Variants in MAGI2 observed in about 807,000 individuals in gnomAD.
MAGI2 encodes the protein membrane associated guanylate kinase, WW and PDZ domain containing 2.
MAGI2 carries 35 observed loss-of-function variants against 133.3 expected under a neutral mutation model. That is an observed-to-expected ratio of 0.26 (90% CI 0.20 to 0.35). The LOEUF is 0.35. Among genes scored for constraint, MAGI2 ranks in the 10% least tolerant of loss-of-function variants. The pLI, the probability that MAGI2 is intolerant of heterozygous loss-of-function variation, is 1.00. For missense variants in MAGI2, 1,636 were observed against 1,863.4 expected, an observed-to-expected ratio of 0.88 and a Z score of 2.25; for synonymous variants, 729 against 710.6, an observed-to-expected ratio of 1.03 and a Z score of -0.41.
At chr7:78,749,496 G>T (rs923639245) in intron 2 of MAGI2, among the ~76,000 whole-genome samples, 4 of 152,088 alleles carry the variant, frequency 2.6e-5, no homozygotes, top group Non-Finnish European at 4.4e-5. Context: ...GTTTCCATTA[G>T]AAATAAGGTA....
intron 10 of MAGI2, among the ~76,000 whole-genome samples, chr7:78,237,954 C>G (rs1790727650): frequency 6.6e-6 from 1 of 152,108 alleles, no homozygotes. Context: ...CACGTTAGCT[C>G]AAAATATTTG....
chr7:78,035,431 C>T (rs931789119), intron 21 of MAGI2, among the ~76,000 whole-genome samples: 1 of 152,136 alleles, frequency 6.6e-6, no homozygotes, highest in African/African-American at 2.4e-5. Flanking sequence ...GATGCCATAG[C>T]GGAGATTGGG....
chr7:78,905,273 G>A (rs142065840), intron 2 of MAGI2, among the ~76,000 whole-genome samples: 233 of 152,172 alleles, frequency 1.5e-3, no homozygotes, highest in African/African-American at 4.8e-3. Flanking sequence ...ACACCGTGCC[G>A]TGCAAGCCAA....
At chr7:79,408,904 T>G (rs2129169657) in intron 1 of MAGI2, among the ~76,000 whole-genome samples, 1 of 152,282 alleles carries the variant, frequency 6.6e-6, no homozygotes, top group South Asian at 2.1e-4. Flanking sequence ...CCTTGAACAT[T>G]ATCCAGATAA....
chr7:78,120,123 C>T (rs188177723), intron 20 of MAGI2, among the ~76,000 whole-genome samples: 1 of 152,288 alleles, frequency 6.6e-6, no homozygotes, highest in Non-Finnish European at 1.5e-5. Context: ...TGACAAGTGG[C>T]CGGGCACAGT....
chr7:79,248,706 G>A (rs12706083), intron 1 of MAGI2, among the ~76,000 whole-genome samples: 95,860 of 151,784 alleles, frequency 0.63, 31,117 homozygotes, highest in Non-Finnish European at 0.71. Flanking sequence ...AAAAATCAAT[G>A]ACAAGAGGAA....
intron 1 of MAGI2, among the ~76,000 whole-genome samples, chr7:79,132,801 C>T (rs910777936): frequency 3.9e-5 from 6 of 152,028 alleles, no homozygotes; most frequent in Admixed American, 2.0e-4. Flanking sequence ...TTCACATTCA[C>T]GCCAACATGT....
At chr7:78,398,101 G>C (rs1404890540) in intron 6 of MAGI2, among the ~76,000 whole-genome samples, 1 of 152,094 alleles carries the variant, frequency 6.6e-6, no homozygotes, top group Non-Finnish European at 1.5e-5. Context: ...AGGCCAAAAA[G>C]AGAAATTTCC....
chr7:78,692,883 C>T (rs2151127122), intron 2 of MAGI2, among the ~76,000 whole-genome samples: 1 of 152,274 alleles, frequency 6.6e-6, no homozygotes, highest in South Asian at 2.1e-4. Flanking sequence ...TTAAAAGCCT[C>T]CCTATCAACG....
At chr7:79,364,509 A>G (rs1403063493) in intron 1 of MAGI2, among the ~76,000 whole-genome samples, 1 of 152,096 alleles carries the variant, frequency 6.6e-6, no homozygotes, top group Non-Finnish European at 1.5e-5. Context: ...TAAAAACAAC[A>G]TGAGAAGAAT....
intron 2 of MAGI2, among the ~76,000 whole-genome samples, chr7:78,698,096 CT>C (rs1359195303): frequency 1.3e-5 from 2 of 151,982 alleles, no homozygotes; most frequent in Non-Finnish European, 1.5e-5. Context: ...CTGAGTATTC[CT>C]TTTTTAAAAA....
chr7:78,761,629 C>T (rs983860223), intron 2 of MAGI2, among the ~76,000 whole-genome samples: 1 of 152,000 alleles, frequency 6.6e-6, no homozygotes, highest in Non-Finnish European at 1.5e-5. Flanking sequence ...TCATACCTGG[C>T]TAATTTTTAG....
intron 2 of MAGI2, among the ~76,000 whole-genome samples, chr7:78,963,267 A>G (rs1803013009): frequency 6.6e-6 from 1 of 152,148 alleles, no homozygotes; most frequent in Admixed American, 6.6e-5. Context: ...CATTAAGAAA[A>G]GTTTACAGAC....
At chr7:78,345,699 C>G in intron 8 of MAGI2, 1 of 541,062 alleles carries the variant, frequency 1.8e-6, no homozygotes, top group Non-Finnish European at 3.3e-6. Flanking sequence ...TGGTGACATG[C>G]TGTACATTCC....
At chr7:78,835,513 G>T (rs992267281) in intron 2 of MAGI2, among the ~76,000 whole-genome samples, 4 of 152,190 alleles carry the variant, frequency 2.6e-5, no homozygotes, top group African/African-American at 9.6e-5. Flanking sequence ...AGGTGGGAAT[G>T]CTTCCCTGAG....
chr7:78,110,285 T>A (rs1304303347), intron 20 of MAGI2, among the ~76,000 whole-genome samples: 1 of 151,990 alleles, frequency 6.6e-6, no homozygotes, highest in African/African-American at 2.4e-5. Context: ...GGTTGAGGAG[T>A]CTTTTTCTTC....
chr7:79,210,445 C>T (rs551862786), intron 1 of MAGI2, among the ~76,000 whole-genome samples: 1 of 152,138 alleles, frequency 6.6e-6, no homozygotes, highest in African/African-American at 2.4e-5. Flanking sequence ...ATGTGTGTTT[C>T]CCAGTCTCCT....
chr7:78,065,586 G>A (rs1400036727), intron 21 of MAGI2: 1 of 695,240 alleles, frequency 1.4e-6, no homozygotes, highest in Non-Finnish European at 2.6e-6. Context: ...TGTCTTTAGG[G>A]TGGCCCAATA....
intron 1 of MAGI2, chr7:79,176,857 C>A (rs1264283346): frequency 1.5e-5 from 2 of 133,610 alleles, no homozygotes; most frequent in East Asian, 2.2e-4. Context: ...AATTTGAAAT[C>A]TTTTCTTGAT....
Sources: allele counts gnomAD v4.1 joint callset (sites outside exome capture counted in the v4.1 genomes callset), GRCh38; gene constraint gnomAD v4.1.1; transcripts MANE v1.5; gene names NCBI Gene and HGNC (gene_info 2026-07-23, HGNC 2026-07-21).